CDH12: variants seen among roughly 807,000 people sequenced by gnomAD.
CDH12 encodes the protein cadherin-12.
CDH12 carries 41 observed loss-of-function variants against 74.1 expected under a neutral mutation model. That is an observed-to-expected ratio of 0.55 (90% CI 0.43 to 0.72). The LOEUF (loss-of-function observed/expected upper bound fraction) is 0.72. CDH12 is among the 30% of genes least tolerant of loss of function. The pLI, the probability that CDH12 is intolerant of heterozygous loss-of-function variation, is 0.00. For missense variants in CDH12, 945 were observed against 977.2 expected, an observed-to-expected ratio of 0.97 and a Z score of 0.44; for synonymous variants, 399 against 355.0, an observed-to-expected ratio of 1.12 and a Z score of -1.39.
intron 1 of CDH12, among the ~76,000 whole-genome samples, chr5:22,625,431 C>G (rs929983032): frequency 2.0e-5 from 3 of 152,136 alleles, no homozygotes; most frequent in Non-Finnish European, 4.4e-5. Flanking sequence ...ACCCACGATC[C>G]CATGGACACT....
At position 22,217,513 on chromosome 5, in the gene CDH12, G is replaced by C. The variant is rs964935329; in HGVS notation, c.-332-4870C>G. ...TAAAAGAAAAGAAATGGCTTTTGTA[G>C]ACATAATTGCTTTGCATTTTAGACC... On this transcript the variant is annotated intron_variant, in intron 3 of 14. Coordinates refer to ENST00000382254, the MANE Select transcript of CDH12 (RefSeq NM_004061.5). Among the ~76,000 whole-genome samples, 64 of 151,634 alleles carry C rather than the reference G, an allele frequency of 4.2e-4. 1 individual carries two copies. Among genetic ancestry groups the C allele is most frequent in the Admixed American group, 4.0e-3 (61 of 15,208 alleles).
At chr5:22,560,914 C>T (rs1739020714) in intron 1 of CDH12, among the ~76,000 whole-genome samples, 1 of 152,068 alleles carries the variant, frequency 6.6e-6, no homozygotes, top group South Asian at 2.1e-4. Context: ...AATTGGTAGT[C>T]TTCAACCTAG....
At chr5:21,884,100 GATGCT>G in intron 6 of CDH12, 1 of 1,449,226 alleles carries the variant, frequency 6.9e-7, no homozygotes. Flanking sequence ...AGTTGGTTAT[GATGCT>G]ATGGTTGGAG....
At chr5:22,114,580 G>A (rs35974271) in intron 4 of CDH12, among the ~76,000 whole-genome samples, 2,135 of 152,146 alleles carry the variant, frequency 0.014, 16 homozygotes, top group African/African-American at 0.019. Flanking sequence ...TGTAACAACT[G>A]TTATCATGTA....
intron 6 of CDH12, among the ~76,000 whole-genome samples, chr5:21,959,793 G>A (rs1157704931): frequency 6.6e-6 from 1 of 150,530 alleles, no homozygotes; most frequent in Non-Finnish European, 1.5e-5. Context: ...GGGCTTGGTG[G>A]TGTGTGCCTG....
chr5:22,495,960 T>C (rs1351258365), intron 2 of CDH12, among the ~76,000 whole-genome samples: 1 of 152,204 alleles, frequency 6.6e-6, no homozygotes, highest in South Asian at 2.1e-4. Flanking sequence ...TGGTTTCTTA[T>C]AGACCAGGCA....
chr5:22,469,759 C>A (rs1745881983), intron 2 of CDH12, among the ~76,000 whole-genome samples: 1 of 152,082 alleles, frequency 6.6e-6, no homozygotes. Context: ...CTTTACCATT[C>A]ATTATAGGGA....
At chr5:21,907,102 G>A (rs1390542098) in intron 6 of CDH12, among the ~76,000 whole-genome samples, 6 of 152,300 alleles carry the variant, frequency 3.9e-5, no homozygotes, top group South Asian at 2.1e-4. Flanking sequence ...GTTATGTGCC[G>A]GGGAGACTGC....
chr5:22,405,186 G>T, intron 3 of CDH12, 71 bp downstream of exon 3: 1 of 317,292 alleles, frequency 3.2e-6, no homozygotes, highest in Non-Finnish European at 4.6e-6. Flanking sequence ...CTCCAGTCTG[G>T]GTGAAAGAGT....
intron 3 of CDH12, among the ~76,000 whole-genome samples, chr5:22,348,177 A>G (rs927413755): frequency 1.3e-5 from 2 of 152,192 alleles, no homozygotes; most frequent in African/African-American, 4.8e-5. Flanking sequence ...GATCTGCACA[A>G]TCCCTTCTGG....
intron 1 of CDH12, among the ~76,000 whole-genome samples, chr5:22,748,488 C>T (rs1382147267): frequency 6.6e-6 from 1 of 152,006 alleles, no homozygotes; most frequent in Non-Finnish European, 1.5e-5. Context: ...TTGACCTGCT[C>T]AGTATAGAAT....
At chr5:22,109,228 A>T (rs1437234159) in intron 4 of CDH12, among the ~76,000 whole-genome samples, 1 of 152,154 alleles carries the variant, frequency 6.6e-6, no homozygotes, top group East Asian at 1.9e-4. Flanking sequence ...GTTTTCAAGG[A>T]TGGAAGACAG....
chr5:21,806,473 T>G (rs1165992029), intron 9 of CDH12, among the ~76,000 whole-genome samples: 1 of 152,170 alleles, frequency 6.6e-6, no homozygotes, highest in Admixed American at 6.6e-5. Flanking sequence ...TCTCATAACC[T>G]TTCTTGCCAC....
At chr5:22,520,023 T>C (rs1736982765) in intron 1 of CDH12, among the ~76,000 whole-genome samples, 1 of 152,084 alleles carries the variant, frequency 6.6e-6, no homozygotes, top group Non-Finnish European at 1.5e-5. Flanking sequence ...ATTTACTCTA[T>C]GATGAGAAAA....
intron 1 of CDH12, among the ~76,000 whole-genome samples, chr5:22,769,754 G>A (rs1164045241): frequency 6.6e-6 from 1 of 151,778 alleles, no homozygotes; most frequent in Non-Finnish European, 1.5e-5. Context: ...TGGGGGAGTG[G>A]GGTGGGTAAC....
intron 10 of CDH12, among the ~76,000 whole-genome samples, chr5:21,797,395 G>A (rs551285256): frequency 2.0e-4 from 30 of 152,112 alleles, no homozygotes; most frequent in African/African-American, 4.8e-4. Flanking sequence ...ATTCTTAAGC[G>A]GGTAAACACA....
chr5:21,857,537 A>C (rs1031935579), intron 6 of CDH12, among the ~76,000 whole-genome samples: 1 of 151,900 alleles, frequency 6.6e-6, no homozygotes, highest in African/African-American at 2.4e-5. Flanking sequence ...GTTATTTTAT[A>C]GTAATAACTA....
At chr5:22,810,212 A>G (rs76609036) in intron 1 of CDH12, among the ~76,000 whole-genome samples, 2 of 152,344 alleles carry the variant, frequency 1.3e-5, no homozygotes, top group Non-Finnish European at 2.9e-5. Context: ...TTTAGTGATG[A>G]GAAGTTTTTA....
intron 1 of CDH12, among the ~76,000 whole-genome samples, chr5:22,822,662 G>A (rs1749770481): frequency 6.6e-6 from 1 of 152,172 alleles, no homozygotes; most frequent in African/African-American, 2.4e-5. Context: ...TCAGAGAAAT[G>A]TAAATCAAAA....
Sources: allele counts gnomAD v4.1 joint callset (sites outside exome capture counted in the v4.1 genomes callset), GRCh38; gene constraint gnomAD v4.1.1; transcripts MANE v1.5; gene names NCBI Gene and HGNC (gene_info 2026-07-23, HGNC 2026-07-21).